SLC35F3: variants seen among roughly 807,000 people sequenced by gnomAD.
SLC35F3 encodes solute carrier family 35 member F3.
SLC35F3 carries 25 observed loss-of-function variants against 49.9 expected under a neutral mutation model. The ratio of observed to expected loss-of-function variants is 0.50; its 90% CI spans 0.37 to 0.70. The LOEUF is 0.70. SLC35F3 is among the 30% of genes least tolerant of loss of function. The pLI, the probability that SLC35F3 is intolerant of heterozygous loss-of-function variation, is 0.00. For synonymous variants in SLC35F3, 275 were observed against 265.4 expected (o/e 1.04, Z -0.35); for missense variants, 525 against 639.8 (o/e 0.82, Z 1.94).
chr1:234,211,080 G>C (rs921946835), intron 2 of SLC35F3, among the ~76,000 whole-genome samples: 1 of 152,248 alleles, frequency 6.6e-6, no homozygotes, highest in Non-Finnish European at 1.5e-5. Context: ...TGTTGCTTCA[G>C]GAGGTGTAAA....
At chr1:234,143,310 T>C (rs1054986260) in intron 2 of SLC35F3, among the ~76,000 whole-genome samples, 1 of 148,300 alleles carries the variant, frequency 6.7e-6, no homozygotes, top group Admixed American at 6.7e-5. Context: ...TTTTTTGAGA[T>C]AAAGGCTCAC....
intron 2 of SLC35F3, among the ~76,000 whole-genome samples, chr1:234,179,908 A>G (rs138955868): frequency 6.6e-6 from 1 of 152,290 alleles, no homozygotes; most frequent in African/African-American, 2.4e-5. Flanking sequence ...AAAAAGGTAA[A>G]AAGCCTTTCC....
At chr1:234,287,976 G>A (rs544354931) in intron 3 of SLC35F3, among the ~76,000 whole-genome samples, 13 of 152,184 alleles carry the variant, frequency 8.5e-5, no homozygotes, top group Non-Finnish European at 8.8e-5. Context: ...AACCTTGAAC[G>A]CCTGAGCTCA....
intron 2 of SLC35F3, among the ~76,000 whole-genome samples, chr1:234,204,938 A>G (rs978313730): frequency 2.0e-5 from 3 of 152,228 alleles, no homozygotes; most frequent in African/African-American, 7.2e-5. Context: ...AATCTGATTA[A>G]ATTTTGGAAC....
At chr1:234,110,088 G>A (rs2102887388) in intron 2 of SLC35F3, among the ~76,000 whole-genome samples, 1 of 147,398 alleles carries the variant, frequency 6.8e-6, no homozygotes, top group South Asian at 2.2e-4. Context: ...GAAGCGCAAA[G>A]ACCCTGGAGC....
At chr1:234,148,096 C>T (rs73108414) in intron 2 of SLC35F3, among the ~76,000 whole-genome samples, 13,657 of 152,212 alleles carry the variant, frequency 0.09, 1,998 homozygotes, top group African/African-American at 0.31. Context: ...CAAAGATTCA[C>T]CCCGGCAAGG....
At chr1:234,224,052 T>TTTTG (rs57014018) in intron 2 of SLC35F3, among the ~76,000 whole-genome samples, 69,751 of 150,316 alleles carry the variant, frequency 0.46, 19,808 homozygotes, top group East Asian at 0.79. Context: ...TTTTTCGGTT[T>TTTTG]TTTGTTTGTT....
At chr1:234,058,017 C>T (rs1401397469) in intron 2 of SLC35F3, among the ~76,000 whole-genome samples, 1 of 152,040 alleles carries the variant, frequency 6.6e-6, no homozygotes, top group Non-Finnish European at 1.5e-5. Context: ...ATGTGTCTTT[C>T]TTCTTATTTG....
intron 2 of SLC35F3, among the ~76,000 whole-genome samples, chr1:234,143,373 C>G (rs949784533): frequency 2.0e-5 from 3 of 149,420 alleles, no homozygotes; most frequent in Non-Finnish European, 4.4e-5. Context: ...ATTGCAATCT[C>G]CGCCTTCCAG....
chr1:234,077,001 T>G (rs1316321164), intron 2 of SLC35F3, among the ~76,000 whole-genome samples: 1 of 144,304 alleles, frequency 6.9e-6, no homozygotes, highest in Non-Finnish European at 1.5e-5. Context: ...TTTTTTTGTT[T>G]TTTTTTTTTT....
chr1:234,190,523 A>T (rs1036573269), intron 2 of SLC35F3, among the ~76,000 whole-genome samples: 1 of 152,362 alleles, frequency 6.6e-6, no homozygotes, highest in East Asian at 1.9e-4. Flanking sequence ...TGTCACAATC[A>T]TCCTAAATAT....
chr1:234,279,722 C>T (rs773891515), intron 3 of SLC35F3, among the ~76,000 whole-genome samples: 5 of 152,146 alleles, frequency 3.3e-5, no homozygotes, highest in Non-Finnish European at 7.4e-5. Context: ...CGGCTGCTTA[C>T]AGGGTGGGTC....
chr1:234,109,026 T>A (rs944482593), intron 2 of SLC35F3, among the ~76,000 whole-genome samples: 3 of 151,226 alleles, frequency 2.0e-5, no homozygotes, highest in African/African-American at 7.3e-5. Context: ...GGGAGTGGAG[T>A]ATTCTACTTG....
intron 2 of SLC35F3, among the ~76,000 whole-genome samples, chr1:233,921,513 CTGCCCT>C (rs1662058535): frequency 6.6e-6 from 1 of 152,196 alleles, no homozygotes; most frequent in Admixed American, 6.5e-5. Flanking sequence ...AATAGTTTCA[CTGCCCT>C]AAAAAATCCT....
intron 3 of SLC35F3, among the ~76,000 whole-genome samples, chr1:234,280,926 T>G (rs550528631): frequency 6.6e-6 from 1 of 152,214 alleles, no homozygotes; most frequent in Admixed American, 6.5e-5. Flanking sequence ...GCTGAAGTTC[T>G]GTGTGCACCA....
intron 2 of SLC35F3, among the ~76,000 whole-genome samples, chr1:234,180,601 T>A (rs540199529): frequency 5.3e-5 from 8 of 152,338 alleles, no homozygotes; most frequent in African/African-American, 1.9e-4. Context: ...CAGGTCACTC[T>A]CTATTTAAAG....
chr1:234,091,347 C>A (rs1232216936), intron 2 of SLC35F3, among the ~76,000 whole-genome samples: 3 of 152,208 alleles, frequency 2.0e-5, no homozygotes, highest in Non-Finnish European at 4.4e-5. Flanking sequence ...CCCTTTCTTC[C>A]TGTAGGTTTT....
At chr1:234,310,485 A>G (rs1223730980) in intron 4 of SLC35F3, among the ~76,000 whole-genome samples, 1 of 152,188 alleles carries the variant, frequency 6.6e-6, no homozygotes, top group East Asian at 1.9e-4. Flanking sequence ...TAATTTTGGA[A>G]TAAAAACTCA....
At chr1:233,962,790 A>G (rs1409411639) in intron 2 of SLC35F3, among the ~76,000 whole-genome samples, 2 of 152,236 alleles carry the variant, frequency 1.3e-5, no homozygotes, top group Non-Finnish European at 2.9e-5. Context: ...AGATATTCTC[A>G]AAACCTCTAC....
Sources: allele counts gnomAD v4.1 joint callset (sites outside exome capture counted in the v4.1 genomes callset), GRCh38; gene constraint gnomAD v4.1.1; transcripts MANE v1.5; gene names NCBI Gene and HGNC (gene_info 2026-07-23, HGNC 2026-07-21).